B3GALT1: variants seen among roughly 807,000 people sequenced by gnomAD.
B3GALT1 encodes the protein UDP-Gal:betaGlcNAc beta 1,3-galactosyltransferase, polypeptide 1.
Under a neutral mutation model 23.2 loss-of-function variants are expected in B3GALT1, and 10 were observed. That is an observed-to-expected ratio of 0.43 (90% CI 0.27 to 0.73). The LOEUF (loss-of-function observed/expected upper bound fraction) is 0.73. Among genes scored for constraint, B3GALT1 ranks in the 30% least tolerant of loss-of-function variants. B3GALT1 has a pLI of 0.21. For missense variants in B3GALT1, 299 were observed against 405.4 expected, an observed-to-expected ratio of 0.74 and a Z score of 2.25; for synonymous variants, 156 against 141.5, an observed-to-expected ratio of 1.10 and a Z score of -0.73.
intron 2 of B3GALT1, among the ~76,000 whole-genome samples, chr2:167,610,084 T>G (rs1266820205): frequency 2.0e-5 from 3 of 152,096 alleles, no homozygotes; most frequent in African/African-American, 7.2e-5. Flanking sequence ...AGGATATAGT[T>G]AAAGAGGACA....
chr2:167,855,733 T>C (rs1427490460), intron 4 of B3GALT1, among the ~76,000 whole-genome samples: 1 of 152,146 alleles, frequency 6.6e-6, no homozygotes, highest in East Asian at 1.9e-4. Context: ...ACAAGGACTA[T>C]TTCCTTTCAC....
intron 1 of B3GALT1, among the ~76,000 whole-genome samples, chr2:167,309,585 GTCA>G (rs1420620527): frequency 2.6e-5 from 4 of 151,916 alleles, no homozygotes; most frequent in Non-Finnish European, 4.4e-5. Flanking sequence ...ACTAATCTCA[GTCA>G]TCTAATGATT....
intron 4 of B3GALT1, among the ~76,000 whole-genome samples, chr2:167,824,710 T>C (rs1238090451): frequency 5.3e-5 from 8 of 152,144 alleles, no homozygotes; most frequent in African/African-American, 1.9e-4. Context: ...CCCTGATCTC[T>C]CTTGGGACAG....
At chr2:167,860,568 ATAACAGAAGTTATTCAGAGTCAATTT>A (rs1332085616) in intron 4 of B3GALT1, among the ~76,000 whole-genome samples, 1 of 152,218 alleles carries the variant, frequency 6.6e-6, no homozygotes, top group African/African-American at 2.4e-5. Context: ...GAGTCAATTA[ATAACAGAAGTTATTCAGAGTCAATTT>A]TAACAGAAGT....
At chr2:167,409,058 G>A (rs917309447) in intron 1 of B3GALT1, among the ~76,000 whole-genome samples, 5 of 152,148 alleles carry the variant, frequency 3.3e-5, no homozygotes, top group Non-Finnish European at 5.9e-5. Context: ...AGATCCAAAA[G>A]AGCCAAAACA....
chr2:167,397,462 T>C (rs1005413089), intron 1 of B3GALT1, among the ~76,000 whole-genome samples: 5 of 152,064 alleles, frequency 3.3e-5, no homozygotes, highest in African/African-American at 1.2e-4. Context: ...CAGAAGGCAC[T>C]GTATTGAAAT....
At chr2:167,562,343 C>G (rs1385731095) in intron 2 of B3GALT1, among the ~76,000 whole-genome samples, 2 of 152,152 alleles carry the variant, frequency 1.3e-5, no homozygotes, top group Non-Finnish European at 2.9e-5. Context: ...AACCCACAGC[C>G]AATATCATAC....
At chr2:167,637,375 A>G (rs1326716720) in intron 2 of B3GALT1, among the ~76,000 whole-genome samples, 2 of 151,870 alleles carry the variant, frequency 1.3e-5, no homozygotes, top group Admixed American at 6.6e-5. Context: ...TTTTTTGTTG[A>G]TACATAATAT....
At chr2:167,414,165 T>A (rs988172304) in intron 1 of B3GALT1, among the ~76,000 whole-genome samples, 1 of 152,170 alleles carries the variant, frequency 6.6e-6, no homozygotes, top group Non-Finnish European at 1.5e-5. Context: ...GTGTATTTTT[T>A]ATGCTTAGGT....
chr2:167,446,171 T>C (rs1185421223), intron 1 of B3GALT1, among the ~76,000 whole-genome samples: 2 of 152,228 alleles, frequency 1.3e-5, no homozygotes, highest in Non-Finnish European at 2.9e-5. Flanking sequence ...TTCTTTTCTT[T>C]AAGAATGTTG....
intron 1 of B3GALT1, among the ~76,000 whole-genome samples, chr2:167,330,613 G>A (rs540485209): frequency 3.3e-5 from 5 of 152,160 alleles, no homozygotes; most frequent in East Asian, 1.9e-4. Context: ...CAGCCTACCC[G>A]CACACTTCCC....
intron 1 of B3GALT1, among the ~76,000 whole-genome samples, chr2:167,350,103 G>A (rs560382256): frequency 6.6e-6 from 1 of 152,284 alleles, no homozygotes; most frequent in East Asian, 1.9e-4. Context: ...GGATTTTTAT[G>A]TGTAATCTTT....
intron 3 of B3GALT1, chr2:167,714,365 T>C (rs1276728172): frequency 6.7e-7 from 1 of 1,501,446 alleles, no homozygotes; most frequent in African/African-American, 1.4e-5. Flanking sequence ...GGTAATCTGA[T>C]GGTCCAGAGG....
At chr2:167,847,360 TAAG>T (rs750668261) in intron 4 of B3GALT1, among the ~76,000 whole-genome samples, 14 of 152,274 alleles carry the variant, frequency 9.2e-5, no homozygotes, top group Non-Finnish European at 2.1e-4. Context: ...TCAATAAACT[TAAG>T]AAAGTTGAAA....
At chr2:167,703,337 G>T (rs913148939) in intron 3 of B3GALT1, among the ~76,000 whole-genome samples, 2 of 152,176 alleles carry the variant, frequency 1.3e-5, no homozygotes, top group African/African-American at 4.8e-5. Flanking sequence ...ATGCCTAGAA[G>T]GTATGCAAGT....
intron 3 of B3GALT1, among the ~76,000 whole-genome samples, chr2:167,725,271 C>T (rs1574232416): frequency 6.6e-6 from 1 of 152,172 alleles, no homozygotes; most frequent in Admixed American, 6.5e-5. Context: ...CCTAGAAGCA[C>T]TGACTGGCTT....
chr2:167,315,425 AT>A (rs1206894354), intron 1 of B3GALT1, among the ~76,000 whole-genome samples: 6 of 152,052 alleles, frequency 3.9e-5, no homozygotes, highest in South Asian at 2.1e-4. Flanking sequence ...CATATTAGGT[AT>A]TTTTTTGACA....
intron 1 of B3GALT1, among the ~76,000 whole-genome samples, chr2:167,458,204 T>C (rs1011999777): frequency 6.6e-6 from 1 of 152,202 alleles, no homozygotes; most frequent in Non-Finnish European, 1.5e-5. Context: ...AAGTGGAATC[T>C]TATAGTATTT....
chr2:167,465,476 A>T (rs183762725), intron 1 of B3GALT1, among the ~76,000 whole-genome samples: 2 of 152,258 alleles, frequency 1.3e-5, no homozygotes, highest in African/African-American at 4.8e-5. Context: ...TTTCTGCTTC[A>T]AAGATGGTGC....
Sources: gnomAD v4.1 joint callset for allele counts (sites outside exome capture counted in the v4.1 genomes callset) on GRCh38, gnomAD v4.1.1 for gene constraint, MANE v1.5 for transcripts, NCBI Gene and HGNC (gene_info 2026-07-23, HGNC 2026-07-21) for gene names.